FAM110B: variants seen among roughly 807,000 people sequenced by gnomAD.
The protein encoded by FAM110B is family with sequence similarity 110 member B, also known as protein FAM110B.
A neutral mutation model predicts 20.4 loss-of-function variants in FAM110B; 6 were observed. The observed-to-expected ratio is 0.29, with a 90% confidence interval of 0.16 to 0.58. FAM110B has a LOEUF of 0.58. Ranked by LOEUF, FAM110B falls within the 20% of genes least tolerant of loss-of-function variation. The pLI, the probability that FAM110B is intolerant of heterozygous loss-of-function variation, is 0.90. For missense variants in FAM110B, 434 were observed against 498.2 expected (o/e 0.87, Z 1.23); for synonymous variants, 226 against 214.1 (o/e 1.06, Z -0.49).
chr8:58,087,390 A>G (rs1158529535), intron 3 of FAM110B, among the ~76,000 whole-genome samples: 1 of 152,210 alleles, frequency 6.6e-6, no homozygotes, highest in Non-Finnish European at 1.5e-5. Context: ...TGCTTTTTGA[A>G]TAGGCATATA....
chr8:58,138,595 G>C (rs547789268), intron 3 of FAM110B, among the ~76,000 whole-genome samples: 7 of 152,152 alleles, frequency 4.6e-5, no homozygotes, highest in East Asian at 1.9e-4. Context: ...TTGTGTAACT[G>C]AGCACCGAGT....
intron 1 of FAM110B, among the ~76,000 whole-genome samples, chr8:58,007,220 G>A (rs1263955123): frequency 6.6e-6 from 1 of 152,056 alleles, no homozygotes; most frequent in Non-Finnish European, 1.5e-5. Flanking sequence ...TGTAACAGAA[G>A]TGAACTGCCC....
chr8:58,022,517 G>C (rs2150569943), intron 1 of FAM110B, among the ~76,000 whole-genome samples: 1 of 151,926 alleles, frequency 6.6e-6, no homozygotes. Context: ...GGTTAAGATG[G>C]TCAATTTTAC....
chr8:58,096,121 A>G (rs1369717937), intron 3 of FAM110B, among the ~76,000 whole-genome samples: 1 of 151,832 alleles, frequency 6.6e-6, no homozygotes, highest in Non-Finnish European at 1.5e-5. Flanking sequence ...CTTTATTTTG[A>G]GCCTATGTGT....
At chr8:58,108,435 C>T (rs1806973237) in intron 3 of FAM110B, among the ~76,000 whole-genome samples, 2 of 152,214 alleles carry the variant, frequency 1.3e-5, no homozygotes, top group Admixed American at 6.5e-5. Context: ...CACTTGCTGG[C>T]AGGCCTTCAC....
intron 3 of FAM110B, among the ~76,000 whole-genome samples, chr8:58,092,605 A>G (rs1041304566): frequency 9.2e-5 from 14 of 152,220 alleles, no homozygotes; most frequent in Admixed American, 5.9e-4. Flanking sequence ...ATAGTATTCA[A>G]TGGTGTACAT....
intron 3 of FAM110B, among the ~76,000 whole-genome samples, chr8:58,087,938 T>C (rs1585875210): frequency 6.6e-6 from 1 of 152,320 alleles, no homozygotes; most frequent in South Asian, 2.1e-4. Flanking sequence ...TAAATTGGTC[T>C]TACAAAACTA....
intron 3 of FAM110B, among the ~76,000 whole-genome samples, chr8:58,095,829 G>A (rs569338197): frequency 1.3e-5 from 2 of 152,238 alleles, no homozygotes; most frequent in East Asian, 3.9e-4. Flanking sequence ...GTCTCATATT[G>A]ACAGTGGGAT....
intron 3 of FAM110B, among the ~76,000 whole-genome samples, chr8:58,133,202 T>A (rs529374492): frequency 7.4e-6 from 1 of 135,962 alleles, no homozygotes; most frequent in East Asian, 2.2e-4. Flanking sequence ...TGAGCTCGAT[T>A]TTGTTTTTTT....
intron 3 of FAM110B, among the ~76,000 whole-genome samples, chr8:58,093,252 A>C (rs1032267695): frequency 1.3e-5 from 2 of 152,090 alleles, no homozygotes; most frequent in Non-Finnish European, 2.9e-5. Flanking sequence ...TCTTTAGTTT[A>C]ATTAGATCCC....
At chr8:58,064,936 G>T (rs528166618) in intron 2 of FAM110B, among the ~76,000 whole-genome samples, 2 of 152,136 alleles carry the variant, frequency 1.3e-5, no homozygotes, top group African/African-American at 2.4e-5. Flanking sequence ...CGAAGTTTTT[G>T]TATGACTCTT....
At chr8:58,042,401 C>A (rs1461834830) in intron 2 of FAM110B, among the ~76,000 whole-genome samples, 1 of 152,190 alleles carries the variant, frequency 6.6e-6, no homozygotes, top group Non-Finnish European at 1.5e-5. Flanking sequence ...ACCCATTTGT[C>A]TTTTGGCTGC....
intron 3 of FAM110B, among the ~76,000 whole-genome samples, chr8:58,107,951 G>A (rs933851899): frequency 6.6e-6 from 1 of 152,220 alleles, no homozygotes; most frequent in African/African-American, 2.4e-5. Flanking sequence ...AAATCTGAGA[G>A]TGGAAAGTTT....
At chr8:58,129,961 A>C (rs1313656684) in intron 3 of FAM110B, among the ~76,000 whole-genome samples, 3 of 152,052 alleles carry the variant, frequency 2.0e-5, no homozygotes, top group Non-Finnish European at 4.4e-5. Context: ...TTTATCTTTA[A>C]AATTCTGCCT....
chr8:58,083,689 C>A (rs1806259621), intron 3 of FAM110B, among the ~76,000 whole-genome samples: 1 of 152,188 alleles, frequency 6.6e-6, no homozygotes. Flanking sequence ...ATCCACGCCT[C>A]CCCTGGGCTT....
At chr8:58,023,658 A>T (rs1804799862) in intron 1 of FAM110B, among the ~76,000 whole-genome samples, 1 of 152,164 alleles carries the variant, frequency 6.6e-6, no homozygotes, top group South Asian at 2.1e-4. Context: ...GCTGCTGCTC[A>T]CATGTTGGCT....
At chr8:58,080,350 T>G (rs1264288526) in intron 3 of FAM110B, among the ~76,000 whole-genome samples, 3 of 152,176 alleles carry the variant, frequency 2.0e-5, no homozygotes, top group Non-Finnish European at 4.4e-5. Context: ...CATGAAAATC[T>G]TCAATCAGCT....
At chr8:58,039,915 C>A (rs556007459) in intron 2 of FAM110B, among the ~76,000 whole-genome samples, 12 of 152,004 alleles carry the variant, frequency 7.9e-5, no homozygotes, top group Non-Finnish European at 1.5e-4. Context: ...TGCCACCGTG[C>A]CTGTGGAGAC....
At chr8:58,109,095 T>C (rs1214009633) in intron 3 of FAM110B, among the ~76,000 whole-genome samples, 1 of 152,198 alleles carries the variant, frequency 6.6e-6, no homozygotes, top group Non-Finnish European at 1.5e-5. Flanking sequence ...CGTCGCACAT[T>C]GTGTCAGTCT....
Sources: allele counts gnomAD v4.1 joint callset (sites outside exome capture counted in the v4.1 genomes callset), GRCh38; gene constraint gnomAD v4.1.1; transcripts MANE v1.5; gene names NCBI Gene and HGNC (gene_info 2026-07-23, HGNC 2026-07-21).